MLLT11: variants seen among roughly 807,000 people sequenced by gnomAD.
MLLT11 encodes protein AF1q.
MLLT11 carries 1 observed loss-of-function variant against 5.3 expected under a neutral mutation model. The ratio of observed to expected loss-of-function variants is 0.19; its 90% CI spans 0.07 to 0.89. MLLT11 has a LOEUF of 0.89. Ranked by LOEUF, MLLT11 falls within the 40% of genes least tolerant of loss-of-function variation. MLLT11 has a pLI of 0.67. For synonymous variants in MLLT11, 38 were observed against 41.7 expected, an observed-to-expected ratio of 0.91 and a Z score of 0.34; for missense variants, 87 against 107.3, an observed-to-expected ratio of 0.81 and a Z score of 0.83.
Position 151,069,228 on chromosome 1 carries a change from G to A in MLLT11, c.*1731G>A, listed in dbSNP as rs1455750094. ...AGACAAGACTCCAACTCTCAAAAGA[G>A]AAACTGTAAATACCAATATGGATAG... On this transcript the variant is annotated 3_prime_UTR_variant, in exon 2 of 2. Coordinates refer to ENST00000368921, the MANE Select transcript of MLLT11 (RefSeq NM_006818.4). Among the ~76,000 whole-genome samples, 1 of 152,074 alleles carries A rather than the reference G, an allele frequency of 6.6e-6. No individual in the cohort carries two copies. The highest frequency in any genetic ancestry group is 6.6e-5 in the Admixed American group (1 of 15,234).
At chr1:151,062,355 C>G (rs896998090) in intron 1 of MLLT11, among the ~76,000 whole-genome samples, 2 of 150,720 alleles carry the variant, frequency 1.3e-5, no homozygotes, top group Non-Finnish European at 2.9e-5. Context: ...TTTTTCCCCC[C>G]ATGATTCTAT....
In MLLT11 at chr1:151,067,230, G is replaced by A. The variant is rs747627148; in HGVS notation, c.6G>A (p.Arg2=). The change falls in exon 2 of 2, where the codon AGG becomes AGA. Residue 2 remains arginine, a synonymous_variant. Coordinates refer to ENST00000368921, the MANE Select transcript of MLLT11 (RefSeq NM_006818.4). The part of the protein sequence containing the change: M[R]DPVSSQYSSF... ...TGGTTTCTTTCTAGGAAGCTATGAG[G>A]GACCCTGTGAGTAGCCAGTACAGTT... The A allele has an allele frequency of 3.7e-6, 6 of 1,613,634 alleles. No homozygotes were observed. The highest frequency in any genetic ancestry group is 5.1e-6 in the Non-Finnish European group (6 of 1,179,724).
At chr1:151,063,241 T>C (rs1323542583) in intron 1 of MLLT11, among the ~76,000 whole-genome samples, 1 of 152,156 alleles carries the variant, frequency 6.6e-6, no homozygotes, top group Non-Finnish European at 1.5e-5. Context: ...TTTCACATTA[T>C]ACTGGAGCAT....
At chr1:151,061,307 C>T (rs1676403818) in intron 1 of MLLT11, among the ~76,000 whole-genome samples, 1 of 152,158 alleles carries the variant, frequency 6.6e-6, no homozygotes, top group South Asian at 2.1e-4. Context: ...CTTGTCCTTC[C>T]CCCTTCCCCA....
rs1676518689 is a variant in MLLT11 at position 151,068,970 on chromosome 1, G to A, written c.*1473G>A. Reference sequence around the variant, plus strand: ...GACATTAGATGGTGAACTTCGCATTGAACAGATAATGAAAGGGCAAAATCA... The same window carrying A: ...GACATTAGATGGTGAACTTCGCATTAAACAGATAATGAAAGGGCAAAATCA... On this transcript the variant is annotated 3_prime_UTR_variant, in exon 2 of 2. Coordinates refer to ENST00000368921, the MANE Select transcript of MLLT11 (RefSeq NM_006818.4). Among the ~76,000 whole-genome samples, 1 of 152,160 alleles carries A rather than the reference G, an allele frequency of 6.6e-6. No individual in the cohort carries two copies. Among genetic ancestry groups the A allele is most frequent in the African/African-American group, 2.4e-5 (1 of 41,448 alleles).
At chr1:151,060,831 T>A (rs1676394513) in intron 1 of MLLT11, among the ~76,000 whole-genome samples, 1 of 152,232 alleles carries the variant, frequency 6.6e-6, no homozygotes, top group African/African-American at 2.4e-5. Flanking sequence ...ATATCTTCAG[T>A]CTACTTATCT....
intron 1 of MLLT11, among the ~76,000 whole-genome samples, chr1:151,066,081 C>A (rs995772835): frequency 1.3e-5 from 2 of 152,172 alleles, no homozygotes; most frequent in Non-Finnish European, 2.9e-5. Flanking sequence ...CTCAAGTCAT[C>A]CGCCTGCCTT....
chr1:151,067,470 C>T lies in MLLT11; in HGVS notation c.246C>T (p.Ile82=), dbSNP rs143015819. 19 of 1,613,904 alleles carry T rather than the reference C, an allele frequency of 1.2e-5. 1 individual carries two copies. The highest frequency in any genetic ancestry group is 3.4e-4 in the Middle Eastern group (2 of 5,966). ...TCTGGAGAGCTCCCATTGCCAGCATCCACTCCTTCGAACTGGACTTGCTCT... is the reference window on the plus strand; with the variant it reads ...TCTGGAGAGCTCCCATTGCCAGCATTCACTCCTTCGAACTGGACTTGCTCT... The part of the protein sequence containing the change: ...FNFWRAPIAS[I]HSFELDLL The change falls in exon 2 of 2, where the codon ATC becomes ATT. Residue 82 remains isoleucine (I), a synonymous_variant. Coordinates refer to ENST00000368921, the MANE Select transcript of MLLT11 (RefSeq NM_006818.4).
At chr1:151,063,851 G>A (rs1414723023) in intron 1 of MLLT11, among the ~76,000 whole-genome samples, 1 of 152,096 alleles carries the variant, frequency 6.6e-6, no homozygotes, top group Admixed American at 6.5e-5. Flanking sequence ...ATCCATTAAC[G>A]CATGGAAGAG....
chr1:151,063,217 C>T (rs1469170108), intron 1 of MLLT11, among the ~76,000 whole-genome samples: 1 of 152,150 alleles, frequency 6.6e-6, no homozygotes, highest in African/African-American at 2.4e-5. Flanking sequence ...TCTTTTTCTG[C>T]CTTAGTACAG....
chr1:151,066,679 C>G (rs1004432004), intron 1 of MLLT11, among the ~76,000 whole-genome samples: 2 of 152,042 alleles, frequency 1.3e-5, no homozygotes, highest in Admixed American at 6.6e-5. Context: ...AATCCCAGCA[C>G]TTTGGGAGGC....
chr1:151,065,577 G>A (rs587737142), intron 1 of MLLT11, among the ~76,000 whole-genome samples: 2 of 152,142 alleles, frequency 1.3e-5, no homozygotes, highest in African/African-American at 2.4e-5. Context: ...ACTCTACAGG[G>A]TGTTGGGGGA....
Position 151,062,349 on chromosome 1 carries a change from TC to T in MLLT11, c.-7+1802del, listed in dbSNP as rs587759201. ...CTAGTTTTAAAATTCTATGATTTTT[TC>T]CCCCCATGATTCTATTTTTTTTTTT... On this transcript the variant is annotated intron_variant, in intron 1 of 1. Coordinates refer to ENST00000368921, the MANE Select transcript of MLLT11 (RefSeq NM_006818.4). Among the ~76,000 whole-genome samples, 298 of 151,222 alleles carry T rather than the reference TC, an allele frequency of 2.0e-3. 2 individuals carry two copies. The highest frequency in any genetic ancestry group is 6.8e-3 in the African/African-American group (280 of 41,018).
rs146635163 is a variant in MLLT11, at chr1:151,069,101, G to A, written c.*1604G>A. Among the ~76,000 whole-genome samples, 36 of 152,260 alleles carry A rather than the reference G, an allele frequency of 2.4e-4. No individual in the cohort carries two copies. The South Asian group carries it at 3.5e-3, about 15-fold the overall frequency. ...GGTAATAATTCTCCTAGGTGCCTAAGAAGATAAACGAATTCACTCAAATAT... is the reference window on the plus strand; with the variant it reads ...GGTAATAATTCTCCTAGGTGCCTAAAAAGATAAACGAATTCACTCAAATAT... On this transcript the variant is annotated 3_prime_UTR_variant, in exon 2 of 2. Transcript: ENST00000368921.
intron 1 of MLLT11, among the ~76,000 whole-genome samples, chr1:151,062,926 T>C (rs1048233013): frequency 1.3e-5 from 2 of 152,160 alleles, no homozygotes; most frequent in African/African-American, 4.8e-5. Flanking sequence ...TGCACACGTC[T>C]CTGCAAAGTA....
rs1387447277 is a variant in MLLT11, at chr1:151,069,354, C to T, written c.*1857C>T. Among the ~76,000 whole-genome samples, 1 of 152,058 alleles carries T rather than the reference C, an allele frequency of 6.6e-6. No individual in the cohort carries two copies. The highest frequency in any genetic ancestry group is 1.9e-4 in the East Asian group (1 of 5,200). ...GTGGGAGAAAAAAAGACAAATCCTC[C>T]CTCTAGGCCATGAAAAGCCCACATC... On this transcript the variant is annotated 3_prime_UTR_variant, in exon 2 of 2. Transcript: ENST00000368921.
In MLLT11 at chr1:151,069,369, A is replaced by G. The variant is rs1676535762; in HGVS notation, c.*1872A>G. 6.6e-6 allele frequency among the ~76,000 whole-genome samples: 1 copy of G among 152,144 alleles called. No individual in the cohort carries two copies. Among genetic ancestry groups the G allele is most frequent in the Admixed American group, 6.5e-5 (1 of 15,272 alleles). ...ACAAATCCTCCCTCTAGGCCATGAA[A>G]AGCCCACATCTAAAGACGGTCCCAG... On this transcript the variant is annotated 3_prime_UTR_variant, in exon 2 of 2. Coordinates refer to ENST00000368921, the MANE Select transcript of MLLT11 (RefSeq NM_006818.4).
At chr1:151,063,009 G>A (rs2102979876) in intron 1 of MLLT11, among the ~76,000 whole-genome samples, 1 of 152,248 alleles carries the variant, frequency 6.6e-6, no homozygotes, top group African/African-American at 2.4e-5. Flanking sequence ...CGACCCTGCT[G>A]CAATCCCGGC....
chr1:151,067,570 T>A lies in MLLT11; in HGVS notation c.*73T>A. The A allele has an allele frequency of 6.7e-7, 1 of 1,485,454 alleles. No individual in the cohort carries two copies. Among genetic ancestry groups the A allele is most frequent in the Non-Finnish European group, 9.2e-7 (1 of 1,083,582 alleles). The allele number at this position is 1,485,454 out of a possible 1,614,324, so 92.0% of individuals were successfully genotyped here. A position where few individuals can be genotyped will look rare whatever the true frequency, so the allele number is the denominator to read the frequency against. ...TCAAGCCCCTTCCTTTCCACTCCTT[T>A]CCCATTTTAATCTTGTTCTCTCCCT... On this transcript the variant is annotated 3_prime_UTR_variant, in exon 2 of 2. Coordinates refer to ENST00000368921, the MANE Select transcript of MLLT11 (RefSeq NM_006818.4).
Sources: allele counts gnomAD v4.1 joint callset (sites outside exome capture counted in the v4.1 genomes callset), GRCh38; gene constraint gnomAD v4.1.1; transcripts MANE v1.5; gene names NCBI Gene and HGNC (gene_info 2026-07-23, HGNC 2026-07-21).